The following CTNND2 variants were observed in gnomAD, a reference collection of about 807,000 sequenced individuals.
CTNND2 encodes the protein catenin delta-2.
In CTNND2, 22 loss-of-function variants were observed where a neutral mutation model predicts 144.4. That is an observed-to-expected ratio of 0.15 (90% CI 0.11 to 0.22). The LOEUF is 0.22. Among genes scored for constraint, CTNND2 ranks in the 10% least tolerant of loss-of-function variants. CTNND2 has a pLI of 1.00. For synonymous variants in CTNND2, 751 were observed against 695.6 expected (o/e 1.08, Z -1.25); for missense variants, 1,353 against 1,618.8 (o/e 0.84, Z 2.82).
chr5:11,282,405 T>C (rs541366951), intron 9 of CTNND2, among the ~76,000 whole-genome samples: 1 of 152,280 alleles, frequency 6.6e-6, no homozygotes, highest in East Asian at 1.9e-4. Context: ...GCATGCAGCA[T>C]CAGCAACTGA....
At chr5:11,219,393 A>G (rs1739546471) in intron 10 of CTNND2, among the ~76,000 whole-genome samples, 1 of 152,262 alleles carries the variant, frequency 6.6e-6, no homozygotes, top group Admixed American at 6.5e-5. Context: ...AATCTTACAG[A>G]GGAGAGAAGA....
At chr5:11,240,283 ACACT>A (rs1290619545) in intron 9 of CTNND2, among the ~76,000 whole-genome samples, 2 of 118,110 alleles carry the variant, frequency 1.7e-5, no homozygotes, top group Admixed American at 1.8e-4. Context: ...CAACACACAC[ACACT>A]CAAACACACA....
At chr5:11,684,782 A>G (rs1315306387) in intron 2 of CTNND2, among the ~76,000 whole-genome samples, 1 of 152,204 alleles carries the variant, frequency 6.6e-6, no homozygotes, top group African/African-American at 2.4e-5. Flanking sequence ...TTGCTAAGTC[A>G]TCTCAGCTGT....
At chr5:11,044,899 G>A (rs1745072659) in intron 16 of CTNND2, among the ~76,000 whole-genome samples, 1 of 152,198 alleles carries the variant, frequency 6.6e-6, no homozygotes. Flanking sequence ...TGCCCCCTTG[G>A]GCCACCACTG....
intron 11 of CTNND2, among the ~76,000 whole-genome samples, chr5:11,192,576 G>A (rs1736400794): frequency 6.6e-6 from 1 of 152,272 alleles, no homozygotes; most frequent in African/African-American, 2.4e-5. Context: ...GCAGTGATCA[G>A]AGGAAAATGT....
At chr5:11,023,364 C>A (rs1331352586) in intron 16 of CTNND2, among the ~76,000 whole-genome samples, 1 of 152,168 alleles carries the variant, frequency 6.6e-6, no homozygotes, top group South Asian at 2.1e-4. Context: ...TAGGTATTAG[C>A]TATTATTATG....
chr5:11,119,593 T>TA (rs1405043524), intron 12 of CTNND2, among the ~76,000 whole-genome samples: 2 of 152,220 alleles, frequency 1.3e-5, no homozygotes, highest in Non-Finnish European at 2.9e-5. Context: ...ATGGCCCTTT[T>TA]AAAGGAGCAT....
intron 3 of CTNND2, among the ~76,000 whole-genome samples, chr5:11,454,757 T>G (rs1320642813): frequency 6.6e-6 from 1 of 151,868 alleles, no homozygotes; most frequent in African/African-American, 2.4e-5. Flanking sequence ...CGCACCACCA[T>G]GCCCAGCTAA....
intron 17 of CTNND2, among the ~76,000 whole-genome samples, chr5:11,020,222 T>G (rs1742094085): frequency 6.6e-6 from 1 of 152,116 alleles, no homozygotes; most frequent in Non-Finnish European, 1.5e-5. Context: ...TCACTGCACA[T>G]TTAAGCTTGT....
At chr5:11,129,585 C>T (rs1755358511) in intron 12 of CTNND2, among the ~76,000 whole-genome samples, 1 of 151,564 alleles carries the variant, frequency 6.6e-6, no homozygotes, top group Non-Finnish European at 1.5e-5. Context: ...CAGCCATCAG[C>T]TTGGTCCAGA....
At chr5:11,549,662 G>A (rs1775590543) in intron 3 of CTNND2, among the ~76,000 whole-genome samples, 1 of 152,034 alleles carries the variant, frequency 6.6e-6, no homozygotes, top group South Asian at 2.1e-4. Flanking sequence ...AGGTTACCAG[G>A]GAATTAAATG....
intron 12 of CTNND2, among the ~76,000 whole-genome samples, chr5:11,150,667 G>A (rs955399268): frequency 1.6e-4 from 19 of 120,630 alleles, no homozygotes; most frequent in African/African-American, 5.5e-4. Flanking sequence ...TGCTCTTGTC[G>A]CCCAGGCTGG....
intron 12 of CTNND2, among the ~76,000 whole-genome samples, chr5:11,124,762 C>T (rs980453720): frequency 6.6e-6 from 1 of 152,176 alleles, no homozygotes; most frequent in South Asian, 2.1e-4. Context: ...TGTCTGTGAA[C>T]TCCTGATATT....
intron 7 of CTNND2, among the ~76,000 whole-genome samples, chr5:11,368,616 T>C (rs1757189765): frequency 2.6e-5 from 4 of 152,154 alleles, no homozygotes; most frequent in Admixed American, 2.6e-4. Flanking sequence ...CAGCCTCAAA[T>C]TCTACACATG....
At chr5:11,402,779 C>A (rs1760746150) in intron 5 of CTNND2, among the ~76,000 whole-genome samples, 1 of 152,184 alleles carries the variant, frequency 6.6e-6, no homozygotes, top group African/African-American at 2.4e-5. Context: ...TTATAAATAT[C>A]ATTTCTAAGC....
At chr5:11,893,279 G>A (rs1203117920) in intron 1 of CTNND2, among the ~76,000 whole-genome samples, 1 of 152,178 alleles carries the variant, frequency 6.6e-6, no homozygotes, top group East Asian at 1.9e-4. Context: ...AGCCATCTCA[G>A]TTGGAAATCC....
intron 5 of CTNND2, among the ~76,000 whole-genome samples, chr5:11,403,140 C>T (rs1467239038): frequency 1.3e-5 from 2 of 152,106 alleles, no homozygotes; most frequent in Admixed American, 6.6e-5. Context: ...CACCTATCAA[C>T]CTGTCATCTA....
At chr5:11,822,851 G>A (rs1793390164) in intron 1 of CTNND2, among the ~76,000 whole-genome samples, 2 of 152,160 alleles carry the variant, frequency 1.3e-5, no homozygotes, top group African/African-American at 4.8e-5. Flanking sequence ...AGATGAGACT[G>A]TAGATCTGGA....
At chr5:11,414,857 T>G (rs768811625) in intron 3 of CTNND2, among the ~76,000 whole-genome samples, 3 of 152,202 alleles carry the variant, frequency 2.0e-5, no homozygotes, top group Non-Finnish European at 4.4e-5. Flanking sequence ...AGTCTTTGGT[T>G]TTCTGTCTCT....
Sources: gnomAD v4.1 joint callset for allele counts (sites outside exome capture counted in the v4.1 genomes callset) on GRCh38, gnomAD v4.1.1 for gene constraint, MANE v1.5 for transcripts, NCBI Gene and HGNC (gene_info 2026-07-23, HGNC 2026-07-21) for gene names.